Variants in SNX29 observed in about 807,000 individuals in gnomAD.
The protein encoded by SNX29 is sorting nexin-29.
In SNX29, 78 loss-of-function variants were observed where a neutral mutation model predicts 102.1. The ratio of observed to expected loss-of-function variants is 0.76; its 90% CI spans 0.64 to 0.92. SNX29 has a LOEUF of 0.92. Ranked by LOEUF, SNX29 falls within the 40% of genes least tolerant of loss-of-function variation. The pLI is 0.00. For synonymous variants in SNX29, 580 were observed against 414.5 expected, an observed-to-expected ratio of 1.40 and a Z score of -4.85; for missense variants, 1,280 against 1,061.7, an observed-to-expected ratio of 1.21 and a Z score of -2.86.
intron 11 of SNX29, among the ~76,000 whole-genome samples, chr16:12,083,305 CAA>C (rs373592693): frequency 7.6e-6 from 1 of 130,902 alleles, no homozygotes. Context: ...GACTATGTCT[CAA>C]AAAAAAAAAA....
chr16:12,346,276 G>C (rs1011564266), intron 15 of SNX29, among the ~76,000 whole-genome samples: 2 of 152,026 alleles, frequency 1.3e-5, no homozygotes, highest in African/African-American at 4.8e-5. Flanking sequence ...CAGGACCAGT[G>C]GTACTGGACA....
At chr16:12,297,236 G>T (rs58279330) in intron 15 of SNX29, 7 of 152,454 alleles carry the variant, frequency 4.6e-5, no homozygotes, top group African/African-American at 1.7e-4. Context: ...ACACGGGGCA[G>T]TGTGCGGTGA....
chr16:12,206,768 T>A (rs914315724), intron 14 of SNX29, among the ~76,000 whole-genome samples: 12 of 151,164 alleles, frequency 7.9e-5, no homozygotes, highest in Admixed American at 6.6e-4. Flanking sequence ...AAAATCCCAA[T>A]GCTTGGCCCC....
chr16:12,561,969 A>T (rs191213017), intron 20 of SNX29, among the ~76,000 whole-genome samples: 1 of 152,252 alleles, frequency 6.6e-6, no homozygotes, highest in African/African-American at 2.4e-5. Context: ...TGATGTCCCC[A>T]GAGTGTCTAC....
intron 1 of SNX29, among the ~76,000 whole-genome samples, chr16:11,986,531 TG>T (rs1359624100): frequency 6.6e-6 from 1 of 152,252 alleles, no homozygotes; most frequent in Non-Finnish European, 1.5e-5. Context: ...ATATGCATTT[TG>T]CATAATTGCA....
chr16:11,977,768 G>A (rs577649963), intron 1 of SNX29: 1 of 152,480 alleles, frequency 6.6e-6, no homozygotes, highest in African/African-American at 2.4e-5. Flanking sequence ...GAGTCTTATT[G>A]GTGTTTTGGT....
intron 1 of SNX29, among the ~76,000 whole-genome samples, chr16:11,978,001 CGGGGG>C (rs932196035): frequency 2.6e-5 from 4 of 152,116 alleles, no homozygotes; most frequent in Admixed American, 1.3e-4. Flanking sequence ...GGAGGTTGAG[CGGGGG>C]GCAAGGCCAA....
At chr16:12,267,909 C>T (rs1366934368) in intron 14 of SNX29, among the ~76,000 whole-genome samples, 2 of 152,230 alleles carry the variant, frequency 1.3e-5, no homozygotes, top group East Asian at 1.9e-4. Flanking sequence ...ACTGTCCCCT[C>T]TCTGGTCTCA....
intron 15 of SNX29, among the ~76,000 whole-genome samples, chr16:12,279,542 T>A (rs1412206956): frequency 1.3e-5 from 2 of 152,192 alleles, no homozygotes; most frequent in Non-Finnish European, 2.9e-5. Flanking sequence ...TCAGTGGGGC[T>A]GTGAGACTCA....
chr16:12,515,432 C>G, intron 19 of SNX29: 1 of 459,138 alleles, frequency 2.2e-6, no homozygotes. Context: ...TGCACCCCAT[C>G]CGCAAGTCAC....
chr16:12,417,956 C>T lies in SNX29; in HGVS notation c.2037+14427C>T, dbSNP rs146458419. Reference sequence around the variant, plus strand: ...GTACTCCGCACTGTCTGTCTTTGGCCGCAGCATTGAGTCTCTGAGCTCCTG... The same window carrying T: ...GTACTCCGCACTGTCTGTCTTTGGCTGCAGCATTGAGTCTCTGAGCTCCTG... On this transcript the variant is annotated intron_variant, in intron 18 of 20. Coordinates refer to ENST00000566228, the MANE Select transcript of SNX29 (RefSeq NM_032167.5). Among the ~76,000 whole-genome samples, 34 of 152,204 alleles carry T rather than the reference C, an allele frequency of 2.2e-4. No individual in the cohort carries two copies. In the South Asian group the frequency reaches 3.1e-3, roughly 14 times the overall value.
chr16:12,218,908 G>A (rs2077396557), intron 14 of SNX29, among the ~76,000 whole-genome samples: 2 of 152,092 alleles, frequency 1.3e-5, no homozygotes, highest in Non-Finnish European at 2.9e-5. Flanking sequence ...CCAAGTAGCT[G>A]GGACTAAAGG....
chr16:12,124,972 A>G (rs1433976526), intron 11 of SNX29, among the ~76,000 whole-genome samples: 2 of 152,172 alleles, frequency 1.3e-5, no homozygotes, highest in Non-Finnish European at 2.9e-5. Flanking sequence ...GGCAGGTCAT[A>G]AAGAGGAAGG....
intron 18 of SNX29, among the ~76,000 whole-genome samples, chr16:12,418,085 G>A (rs993478448): frequency 2.0e-4 from 30 of 152,214 alleles, no homozygotes; most frequent in Admixed American, 5.9e-4. Context: ...CCCACGTGTC[G>A]GGAAAGTGCT....
chr16:12,276,436 C>G (rs1218482274), intron 14 of SNX29, among the ~76,000 whole-genome samples: 1 of 152,172 alleles, frequency 6.6e-6, no homozygotes, highest in African/African-American at 2.4e-5. Context: ...GGAGGCTTAG[C>G]CACCTGGCTT....
intron 19 of SNX29, among the ~76,000 whole-genome samples, chr16:12,522,653 C>A (rs916258516): frequency 5.3e-5 from 8 of 152,112 alleles, no homozygotes; most frequent in African/African-American, 1.9e-4. Context: ...CCTCCTGCTC[C>A]GGCCACGTAA....
intron 20 of SNX29, among the ~76,000 whole-genome samples, chr16:12,544,051 A>G (rs7184061): frequency 1.3e-5 from 2 of 152,216 alleles, no homozygotes; most frequent in African/African-American, 4.8e-5. Flanking sequence ...TTGCAAAGCC[A>G]CAGGAATCAC....
At chr16:12,462,191 G>A (rs1479252815) in intron 18 of SNX29, among the ~76,000 whole-genome samples, 1 of 151,298 alleles carries the variant, frequency 6.6e-6, no homozygotes, top group Non-Finnish European at 1.5e-5. Context: ...CTCAGTCCTG[G>A]CCCTGCAGCC....
intron 14 of SNX29, among the ~76,000 whole-genome samples, chr16:12,237,488 T>G (rs536615215): frequency 6.6e-6 from 1 of 152,324 alleles, no homozygotes; most frequent in Admixed American, 6.5e-5. Context: ...AGATGGGGCC[T>G]GGCCGGGTGC....
Sources: allele counts gnomAD v4.1 joint callset (sites outside exome capture counted in the v4.1 genomes callset), GRCh38; gene constraint gnomAD v4.1.1; transcripts MANE v1.5; gene names NCBI Gene and HGNC (gene_info 2026-07-23, HGNC 2026-07-21).